The following MCPH1 variants were observed in gnomAD, a reference collection of about 807,000 sequenced individuals.
The protein encoded by MCPH1 is microcephalin.
Under a neutral mutation model 84.5 loss-of-function variants are expected in MCPH1, and 104 were observed. That is an observed-to-expected ratio of 1.23 (90% CI 1.05 to 1.45). The LOEUF (loss-of-function observed/expected upper bound fraction) is 1.45. Ranked by LOEUF, MCPH1 falls within the 40% of genes most tolerant of loss-of-function variation. The pLI is 0.00. For missense variants in MCPH1, 1,498 were observed against 1,005.7 expected (o/e 1.49, Z -6.62); for synonymous variants, 514 against 366.8 (o/e 1.40, Z -4.58).
chr8:6,413,326 A>C (rs973019138), intron 2 of MCPH1, among the ~76,000 whole-genome samples: 1 of 151,082 alleles, frequency 6.6e-6, no homozygotes, highest in Non-Finnish European at 1.5e-5. Context: ...CACTCTTTTA[A>C]TATTTTTCCC....
At chr8:6,480,384 G>C (rs1271722474) in intron 10 of MCPH1, among the ~76,000 whole-genome samples, 2 of 152,070 alleles carry the variant, frequency 1.3e-5, no homozygotes, top group Non-Finnish European at 2.9e-5. Context: ...CTCCCAAAGT[G>C]CCGGGATTAC....
chr8:6,618,598 C>T (rs1831098261), intron 12 of MCPH1: 1 of 152,100 alleles, frequency 6.6e-6, no homozygotes, highest in African/African-American at 2.4e-5. Context: ...GAGAATTTTT[C>T]ACAGTTGTTA....
intron 3 of MCPH1, among the ~76,000 whole-genome samples, chr8:6,429,804 A>T (rs776400435): frequency 3.3e-5 from 5 of 152,028 alleles, no homozygotes; most frequent in Admixed American, 6.6e-5. Flanking sequence ...CAGTTATTGC[A>T]GTATTCCCTG....
chr8:6,523,558 G>A (rs1444423800), intron 12 of MCPH1, among the ~76,000 whole-genome samples: 1 of 152,092 alleles, frequency 6.6e-6, no homozygotes, highest in African/African-American at 2.4e-5. Context: ...TCAAAGACAT[G>A]CACAGTCAAG....
chr8:6,604,534 T>C (rs1245536046), intron 12 of MCPH1, among the ~76,000 whole-genome samples: 1 of 152,252 alleles, frequency 6.6e-6, no homozygotes, highest in East Asian at 1.9e-4. Flanking sequence ...AGACGGAGTC[T>C]CACTCTATCG....
At chr8:6,430,561 C>G (rs537423895) in intron 3 of MCPH1, among the ~76,000 whole-genome samples, 204 of 152,274 alleles carry the variant, frequency 1.3e-3, no homozygotes, top group African/African-American at 4.6e-3. Context: ...TTCCTTTATT[C>G]CTAATATATT....
At chr8:6,582,050 A>T (rs1827605417) in intron 12 of MCPH1, among the ~76,000 whole-genome samples, 1 of 152,170 alleles carries the variant, frequency 6.6e-6, no homozygotes, top group Non-Finnish European at 1.5e-5. Flanking sequence ...AGGCGCAAAC[A>T]TTCAGACCAT....
chr8:6,528,772 G>T (rs550234634), intron 12 of MCPH1, among the ~76,000 whole-genome samples: 68 of 152,352 alleles, frequency 4.5e-4, no homozygotes, highest in African/African-American at 1.4e-3. Flanking sequence ...CGGAGACCTT[G>T]AAAGAATCAT....
intron 11 of MCPH1, among the ~76,000 whole-genome samples, chr8:6,481,503 G>T (rs1260345469): frequency 6.6e-6 from 1 of 152,124 alleles, no homozygotes; most frequent in African/African-American, 2.4e-5. Context: ...ATTCCTTTCT[G>T]GTGACAGTAG....
chr8:6,413,852 T>G (rs1249843516), intron 2 of MCPH1, among the ~76,000 whole-genome samples: 1 of 152,058 alleles, frequency 6.6e-6, no homozygotes, highest in Non-Finnish European at 1.5e-5. Flanking sequence ...CCTCCCGGGT[T>G]GAAGTGATTC....
intron 4 of MCPH1, among the ~76,000 whole-genome samples, chr8:6,432,416 T>C (rs2440424): frequency 0.73 from 110,726 of 152,176 alleles, 41,948 homozygotes; most frequent in East Asian, 0.82. Flanking sequence ...GTTGAATCCA[T>C]AGATCTGGAA....
chr8:6,563,350 T>TAGGG (rs1398221518), intron 12 of MCPH1: 3 of 155,574 alleles, frequency 1.9e-5, no homozygotes, highest in African/African-American at 7.2e-5. Flanking sequence ...TATCTTCCTG[T>TAGGG]AGGGGGTCAC....
chr8:6,524,730 A>G (rs1001049813), intron 12 of MCPH1, among the ~76,000 whole-genome samples: 7 of 152,250 alleles, frequency 4.6e-5, no homozygotes, highest in African/African-American at 1.7e-4. Flanking sequence ...AGACAAGGCT[A>G]TGAATGTCTC....
intron 13 of MCPH1, among the ~76,000 whole-genome samples, chr8:6,629,289 C>G (rs1796986571): frequency 6.6e-6 from 1 of 152,006 alleles, no homozygotes; most frequent in Non-Finnish European, 1.5e-5. Flanking sequence ...ATGGTGAAAC[C>G]CCGTCTCTAC....
chr8:6,456,939 G>T (rs1466982988), intron 9 of MCPH1, among the ~76,000 whole-genome samples: 2 of 152,112 alleles, frequency 1.3e-5, no homozygotes, highest in Non-Finnish European at 2.9e-5. Flanking sequence ...AATGGCATAT[G>T]AATGGGAGAT....
intron 3 of MCPH1, among the ~76,000 whole-genome samples, chr8:6,423,438 T>A (rs1800563398): frequency 6.6e-6 from 1 of 152,162 alleles, no homozygotes; most frequent in African/African-American, 2.4e-5. Flanking sequence ...GTGCTGGGAT[T>A]ACTGGCATGA....
intron 13 of MCPH1, chr8:6,642,641 G>A: frequency 2.5e-6 from 1 of 393,652 alleles, no homozygotes; most frequent in Non-Finnish European, 4.8e-6. Flanking sequence ...ACTGGAAGTG[G>A]TGAGCTAAGA....
intron 12 of MCPH1, among the ~76,000 whole-genome samples, chr8:6,525,062 C>G (rs541732643): frequency 1.3e-5 from 2 of 152,308 alleles, no homozygotes; most frequent in South Asian, 2.1e-4. Flanking sequence ...CCTTTTAGTT[C>G]GAATGATCTG....
At chr8:6,433,509 T>G (rs1802151056) in intron 4 of MCPH1, among the ~76,000 whole-genome samples, 1 of 151,818 alleles carries the variant, frequency 6.6e-6, no homozygotes, top group African/African-American at 2.4e-5. Flanking sequence ...GGTGCACACC[T>G]GTAATCCCAG....
Sources: gnomAD v4.1 joint callset for allele counts (sites outside exome capture counted in the v4.1 genomes callset) on GRCh38, gnomAD v4.1.1 for gene constraint, MANE v1.5 for transcripts, NCBI Gene and HGNC (gene_info 2026-07-23, HGNC 2026-07-21) for gene names.